The following PRPF6 variants were observed in gnomAD, a reference collection of about 807,000 sequenced individuals.
PRPF6 encodes pre-mRNA-processing factor 6.
A neutral mutation model predicts 118.3 loss-of-function variants in PRPF6; 42 were observed. The observed-to-expected ratio is 0.35, with a 90% confidence interval of 0.28 to 0.46. PRPF6 has a LOEUF of 0.46. PRPF6 is among the 20% of genes least tolerant of loss of function. PRPF6 has a pLI of 1.00. For missense variants in PRPF6, 662 were observed against 1,255.7 expected (o/e 0.53, Z 7.15); for synonymous variants, 481 against 485.1 (o/e 0.99, Z 0.11).
In PRPF6 at chr20:64,022,813, G is replaced by T; in HGVS notation, c.1704G>T (p.Gln568His). 2 of 1,614,150 alleles carry T rather than the reference G, an allele frequency of 1.2e-6. No individual in the cohort carries two copies. Among genetic ancestry groups the T allele is most frequent in the African/African-American group, 1.3e-5 (1 of 75,054 alleles). The change falls in exon 13 of 21, where the codon CAG becomes CAT. Residue 568 changes from glutamine to histidine, a missense_variant. Gln to His is a conservative substitution (Grantham distance 24). Coordinates refer to ENST00000266079, the MANE Select transcript of PRPF6 (RefSeq NM_012469.4). ...GAGCCATCTACGCCTACGCCCTGCA[G>T]GTGTTCCCCAGCAAGAAGAGTGTGT... ...CARAIYAYALQVFPSKKSVWL... is the reference protein window; with the variant it reads ...CARAIYAYALHVFPSKKSVWL...
intron 12 of PRPF6, among the ~76,000 whole-genome samples, chr20:64,017,423 A>C (rs1229967351): frequency 2.0e-5 from 3 of 149,676 alleles, no homozygotes; most frequent in Non-Finnish European, 4.4e-5. Context: ...CCGGCCTCCC[A>C]GAGTGCTGGG....
At chr20:64,001,356 C>A in intron 9 of PRPF6, 117 bp downstream of exon 9, 2 of 1,274,084 alleles carry the variant, frequency 1.6e-6, no homozygotes, top group Non-Finnish European at 1.1e-6. Context: ...GGACATTTTT[C>A]AGGCCTTTTC....
chr20:64,021,503 C>CTGTGTGTG, intron 12 of PRPF6, among the ~76,000 whole-genome samples: 1 of 121,138 alleles, frequency 8.3e-6, no homozygotes, highest in Middle Eastern at 8.1e-3. Context: ...AGCCCTGTGT[C>CTGTGTGTG]TGTGTGTGTG....
rs1315634085 is a variant in PRPF6 at position 64,026,420 on chromosome 20, C to T, written c.2028+362C>T. Among the ~76,000 whole-genome samples the T allele has an allele frequency of 6.6e-6, 1 of 151,514 alleles. No individual in the cohort carries two copies. Among genetic ancestry groups the T allele is most frequent in the African/African-American group, 2.4e-5 (1 of 41,184 alleles). On this transcript the variant is annotated intron_variant, in intron 15 of 20. Coordinates refer to ENST00000266079, the MANE Select transcript of PRPF6 (RefSeq NM_012469.4). This position sits in a 1 kb window ranked among gnomAD's most constrained non-coding sequence, Gnocchi z 4.4. Reference sequence around the variant, plus strand: ...GCTCGGGAGGCTGAGGCAGGAGAATCGCTTGAACCCCGGGGGTGGAGGTTG... The same window carrying T: ...GCTCGGGAGGCTGAGGCAGGAGAATTGCTTGAACCCCGGGGGTGGAGGTTG...
chr20:63,982,465 C>T (rs146547643), intron 1 of PRPF6, among the ~76,000 whole-genome samples: 3 of 152,322 alleles, frequency 2.0e-5, no homozygotes, highest in South Asian at 2.1e-4. Context: ...CCACCACGCC[C>T]GGCCCAGAAT....
intron 3 of PRPF6, among the ~76,000 whole-genome samples, chr20:63,985,348 C>G (rs1394047275): frequency 7.4e-6 from 1 of 135,642 alleles, no homozygotes; most frequent in Non-Finnish European, 1.6e-5. Context: ...GACCCTGTCT[C>G]AAAAAAAAAA....
rs2059320938 is a variant in PRPF6 at position 64,032,756 on chromosome 20, T to G, written c.2674-85T>G. On this transcript the variant is annotated intron_variant, in intron 20 of 20. Coordinates refer to ENST00000266079, the MANE Select transcript of PRPF6 (RefSeq NM_012469.4). ...TGGGGTTGGTGCTGCCAGGGCCAGGTCTGCAGGGGCCAGGCGAGAAGCAGG... is the reference window on the plus strand; with the variant it reads ...TGGGGTTGGTGCTGCCAGGGCCAGGGCTGCAGGGGCCAGGCGAGAAGCAGG... The G allele has an allele frequency of 1.2e-5, 19 of 1,520,106 alleles. 1 individual carries two copies. The highest frequency in any genetic ancestry group is 1.7e-5 in the Non-Finnish European group (19 of 1,129,888). The allele number at this position is 1,520,106 out of a possible 1,614,324, so 94.2% of individuals were successfully genotyped here. A position where few individuals can be genotyped will look rare whatever the true frequency, so the allele number is the denominator to read the frequency against.
intron 9 of PRPF6, among the ~76,000 whole-genome samples, chr20:64,007,548 C>A (rs1306250000): frequency 6.6e-6 from 1 of 151,082 alleles, no homozygotes; most frequent in African/African-American, 2.4e-5. Context: ...CTCACTGCAA[C>A]CTCCACCTCC....
At chr20:64,010,959 C>G (rs1225877310) in intron 10 of PRPF6, among the ~76,000 whole-genome samples, 2 of 152,154 alleles carry the variant, frequency 1.3e-5, no homozygotes, top group African/African-American at 4.8e-5. Flanking sequence ...TGTGTTTAGC[C>G]TGTGAGGGCA....
Position 63,995,366 on chromosome 20 carries a change from AAC to A in PRPF6, c.658_659del (p.Thr220SerfsTer17), listed in dbSNP as rs1344086886. On this transcript the variant is annotated frameshift_variant, in exon 6 of 21. Transcript: ENST00000266079. LOFTEE classifies it high-confidence loss of function. ...TAACACACCCTATCCAGGTGGACTA[AAC>A]ACTCCATACCCAGGTGGAATGACGC... ...GLNTPYPGGL[N>X]TPYPGGMTPG... 6.2e-7 allele frequency: 1 copy of A among 1,613,908 alleles called. No homozygotes were observed.
At chr20:64,025,067 C>G (rs576943783) in intron 14 of PRPF6, among the ~76,000 whole-genome samples, 1 of 152,130 alleles carries the variant, frequency 6.6e-6, no homozygotes, top group East Asian at 1.9e-4. Flanking sequence ...TTTTAAGTAC[C>G]TTGTCTTTAT....
Position 64,027,186 on chromosome 20 carries a change from G to T in PRPF6, c.2205+28G>T. On this transcript the variant is annotated intron_variant, in intron 16 of 20. Transcript: ENST00000266079. The surrounding 1 kb of genome is among the most constrained non-coding windows in gnomAD (Gnocchi z 6.5). ...ACGTCTCTGCCTGCACCCTGGGGCT[G>T]CAGCTGACCCGGCATTCACAAAACT... 3 of 1,611,564 alleles carry T rather than the reference G, an allele frequency of 1.9e-6. No individual in the cohort carries two copies. The highest frequency in any genetic ancestry group is 2.5e-6 in the Non-Finnish European group (3 of 1,179,600).
intron 12 of PRPF6, among the ~76,000 whole-genome samples, chr20:64,019,932 CCT>C (rs1297661554): frequency 1.3e-5 from 2 of 152,246 alleles, no homozygotes; most frequent in African/African-American, 4.8e-5. Flanking sequence ...GTTGTCCCTT[CCT>C]CTCGTAGAAG....
chr20:63,998,929 T>A, intron 6 of PRPF6, 116 bp from the exon 7 acceptor site: 1 of 703,948 alleles, frequency 1.4e-6, no homozygotes, highest in East Asian at 2.7e-5. Flanking sequence ...AAGGCTGTTT[T>A]CCTTCTCCTT....
chr20:64,020,257 A>G (rs1385952614), intron 12 of PRPF6, among the ~76,000 whole-genome samples: 1 of 152,106 alleles, frequency 6.6e-6, no homozygotes, highest in Non-Finnish European at 1.5e-5. Context: ...CTCTACTAAA[A>G]ATACAGAAAT....
intron 8 of PRPF6, among the ~76,000 whole-genome samples, chr20:64,000,643 ACTGCAACCT>A (rs2059162560): frequency 6.7e-6 from 1 of 149,344 alleles, no homozygotes. Flanking sequence ...ATCTCAGCTC[ACTGCAACCT>A]CTGCCTCCCG....
At chr20:64,023,818 G>T (rs913926197) in intron 13 of PRPF6, among the ~76,000 whole-genome samples, 1 of 152,226 alleles carries the variant, frequency 6.6e-6, no homozygotes. Context: ...ATGAACTGCT[G>T]CCCTTGACCC....
At chr20:63,982,699 G>A (rs930463498) in intron 1 of PRPF6, among the ~76,000 whole-genome samples, 13 of 152,148 alleles carry the variant, frequency 8.5e-5, no homozygotes, top group Non-Finnish European at 1.6e-4. Flanking sequence ...GTGGCATCTG[G>A]GACAGCTGTT....
At chr20:64,003,626 C>T (rs577856284) in intron 9 of PRPF6, among the ~76,000 whole-genome samples, 4 of 152,076 alleles carry the variant, frequency 2.6e-5, no homozygotes, top group East Asian at 1.9e-4. Context: ...GACAGAGTCT[C>T]GCTCTGTCGC....
Sources: gnomAD v4.1 joint callset for allele counts (sites outside exome capture counted in the v4.1 genomes callset) on GRCh38, gnomAD v4.1.1 for gene constraint, Gnocchi (gnomAD v3.1) non-coding constraint, MANE v1.5 for transcripts, NCBI Gene and HGNC (gene_info 2026-07-23, HGNC 2026-07-21) for gene names.